Variants in EPHB1 observed in about 807,000 individuals in gnomAD.
EPHB1 encodes EPH receptor B1.
In EPHB1, 30 loss-of-function variants were observed where a neutral mutation model predicts 94.4. That is an observed-to-expected ratio of 0.32 (90% confidence interval 0.24 to 0.43). The LOEUF (loss-of-function observed/expected upper bound fraction) is 0.43, where lower values mean the gene tolerates loss of function less well. Among genes scored for constraint, EPHB1 ranks in the 20% least tolerant of loss-of-function variants. EPHB1 has a pLI of 1.00. For synonymous variants in EPHB1, 522 were observed against 489.1 expected, an observed-to-expected ratio of 1.07 and a Z score of -0.89; for missense variants, 1,055 against 1,308.3, an observed-to-expected ratio of 0.81 and a Z score of 2.99.
chr3:135,192,620 A>C lies in EPHB1; in HGVS notation c.1927A>C (p.Lys643Gln). Residue 643 changes from lysine to glutamine, a missense_variant, in exon 11 of 16, where the codon AAG (lysine) becomes CAG (glutamine). Lys to Gln is a moderately conservative substitution (Grantham distance 53, BLOSUM62 1). Coordinates refer to ENST00000398015, the MANE Select transcript of EPHB1 (RefSeq NM_004441.5). ...CAAGGGGCGTTTGAAACTGCCAGGC[A>C]AGAGGGAAATCTACGTGGCCATCAA... is the stretch of plus-strand genomic sequence containing the variant. The part of the protein sequence containing the change: ...VYKGRLKLPG[K>Q]REIYVAIKTL... 1 of 1,614,018 alleles carries C rather than the reference A, an allele frequency of 6.2e-7. No individual in the cohort carries two copies. The highest frequency in any genetic ancestry group is 8.5e-7 in the Non-Finnish European group (1 of 1,179,934).
intron 3 of EPHB1, among the ~76,000 whole-genome samples, chr3:134,978,837 C>T (rs1039952429): frequency 7.9e-5 from 12 of 152,216 alleles, no homozygotes; most frequent in Admixed American, 3.3e-4. Flanking sequence ...GAGAAACTCA[C>T]CGCAGATGTG....
intron 3 of EPHB1, among the ~76,000 whole-genome samples, chr3:134,999,547 T>C (rs574725509): frequency 1.6e-4 from 25 of 152,252 alleles, no homozygotes; most frequent in Non-Finnish European, 2.8e-4. Context: ...GGTAAAAATA[T>C]ATTCAGGTGA....
At chr3:135,198,525 T>C (rs1348836267) in intron 11 of EPHB1, among the ~76,000 whole-genome samples, 1 of 152,206 alleles carries the variant, frequency 6.6e-6, no homozygotes, top group East Asian at 1.9e-4. Context: ...TGCCTATCTG[T>C]TACCTGCTGA....
chr3:134,831,957 T>C (rs1355752348), intron 1 of EPHB1, among the ~76,000 whole-genome samples: 7 of 152,220 alleles, frequency 4.6e-5, no homozygotes. Flanking sequence ...AATTGTCCAA[T>C]TGTGCCAACG....
chr3:134,808,424 C>A (rs563063725), intron 1 of EPHB1, among the ~76,000 whole-genome samples: 1 of 152,246 alleles, frequency 6.6e-6, no homozygotes, highest in South Asian at 2.1e-4. Flanking sequence ...CATCAAGCTG[C>A]CTGGCCTGAG....
chr3:134,823,609 G>T (rs2036423014), intron 1 of EPHB1, among the ~76,000 whole-genome samples: 1 of 152,120 alleles, frequency 6.6e-6, no homozygotes, highest in Non-Finnish European at 1.5e-5. Context: ...GCTTGGCAGG[G>T]TAACACCAGA....
intron 1 of EPHB1, among the ~76,000 whole-genome samples, chr3:134,880,661 CTCAGCCAAGATTCATGTTGT>C (rs2037713403): frequency 6.6e-6 from 1 of 152,202 alleles, no homozygotes; most frequent in Admixed American, 6.5e-5. Flanking sequence ...CATACCACTG[CTCAGCCAAGATTCATGTTGT>C]TGGACCACCC....
rs112438019 is a variant in EPHB1, at chr3:135,186,011, G to A, written c.1882+6029G>A. Among the ~76,000 whole-genome samples, 769 of 152,284 alleles carry A rather than the reference G, an allele frequency of 5.0e-3. 4 individuals carry two copies. The highest frequency in any genetic ancestry group is 6.8e-3 in the Non-Finnish European group (464 of 68,024). On this transcript the variant is annotated intron_variant, in intron 10 of 15. Transcript: ENST00000398015. ...CTTCTAAGTGTGATCAGTTATCAGCGTTAAGAAGGACAACAAGGACTGAGA... is the reference window on the plus strand; with the variant it reads ...CTTCTAAGTGTGATCAGTTATCAGCATTAAGAAGGACAACAAGGACTGAGA...
chr3:134,974,293 T>C (rs1313875251), intron 3 of EPHB1, among the ~76,000 whole-genome samples: 2 of 151,968 alleles, frequency 1.3e-5, no homozygotes, highest in Non-Finnish European at 2.9e-5. Context: ...TGTTTAAGAG[T>C]GTAGACTCTG....
chr3:135,166,655 T>A lies in EPHB1; in HGVS notation c.1695-287T>A, dbSNP rs867858281. 2.0e-5 allele frequency among the ~76,000 whole-genome samples: 3 copies of A among 152,364 alleles called. No individual in the cohort carries two copies. The Middle Eastern group carries it at 0.01, about 518-fold the overall frequency. On this transcript the variant is annotated intron_variant, in intron 8 of 15. Transcript: ENST00000398015. ...GTAGCTTAAGTGCTGATGGACATCC[T>A]CTTCACCTCTGCCCCCATCAGCACT...
intron 1 of EPHB1, among the ~76,000 whole-genome samples, chr3:134,832,373 A>G (rs1042559091): frequency 2.0e-5 from 3 of 152,248 alleles, no homozygotes; most frequent in Non-Finnish European, 4.4e-5. Context: ...AATGGCAAAC[A>G]GAACTGAGAA....
At chr3:134,869,879 A>G (rs1204165493) in intron 1 of EPHB1, among the ~76,000 whole-genome samples, 1 of 152,204 alleles carries the variant, frequency 6.6e-6, no homozygotes, top group Non-Finnish European at 1.5e-5. Context: ...AGTATTTATA[A>G]TGACAAATAC....
At chr3:135,111,787 C>T (rs940574212) in intron 4 of EPHB1, among the ~76,000 whole-genome samples, 3 of 152,186 alleles carry the variant, frequency 2.0e-5, no homozygotes, top group South Asian at 2.1e-4. Flanking sequence ...TCAAGCGATT[C>T]TCCTGCCTCA....
chr3:135,161,855 A>T (rs1478078388), intron 6 of EPHB1, among the ~76,000 whole-genome samples, 163 bp from the exon 7 acceptor site: 1 of 152,114 alleles, frequency 6.6e-6, no homozygotes, highest in Non-Finnish European at 1.5e-5. Flanking sequence ...GGCCCAGATC[A>T]GACTTCTTGT....
chr3:134,828,303 C>G (rs2036523197), intron 1 of EPHB1, among the ~76,000 whole-genome samples: 2 of 152,172 alleles, frequency 1.3e-5, no homozygotes, highest in Admixed American at 6.5e-5. Context: ...ATCATGGAGT[C>G]TTAATAGACT....
intron 5 of EPHB1, among the ~76,000 whole-genome samples, chr3:135,139,024 C>T (rs1231521346): frequency 6.6e-6 from 1 of 152,242 alleles, no homozygotes; most frequent in Non-Finnish European, 1.5e-5. Context: ...TGGAGAGTCA[C>T]ACTTTCTCAC....
intron 1 of EPHB1, among the ~76,000 whole-genome samples, chr3:134,909,481 T>A (rs1424364804): frequency 1.3e-5 from 2 of 152,020 alleles, no homozygotes; most frequent in Non-Finnish European, 2.9e-5. Context: ...CCTTGAGAGG[T>A]TCTGAAATGC....
chr3:135,141,578 G>T (rs909175418), intron 5 of EPHB1, among the ~76,000 whole-genome samples: 2 of 152,122 alleles, frequency 1.3e-5, no homozygotes, highest in Non-Finnish European at 2.9e-5. Context: ...AGGTGGGTGT[G>T]CAGGAGACTG....
chr3:134,948,563 A>G lies in EPHB1; in HGVS notation c.124-2808A>G, dbSNP rs72973511. On this transcript the variant is annotated intron_variant, in intron 2 of 15. Coordinates refer to ENST00000398015, the MANE Select transcript of EPHB1 (RefSeq NM_004441.5). The stretch of plus-strand genomic sequence containing the variant: ...CAGAAAAAGTGGTTCTTTTACATCT[A>G]GAGAATCAATAAGGAATTAGGCAAA... Among the ~76,000 whole-genome samples, 747 of 152,372 alleles carry G rather than the reference A, an allele frequency of 4.9e-3. 5 individuals carry two copies. Among genetic ancestry groups the G allele is most frequent in the African/African-American group, 0.016 (654 of 41,592 alleles).
Sources: gnomAD v4.1 joint callset for allele counts (sites outside exome capture counted in the v4.1 genomes callset) on GRCh38, gnomAD v4.1.1 for gene constraint, MANE v1.5 for transcripts, NCBI Gene and HGNC (gene_info 2026-07-23, HGNC 2026-07-21) for gene names.